The following ITGA3 variants were observed in gnomAD, a reference collection of about 807,000 sequenced individuals.
The protein encoded by ITGA3 is integrin alpha-3.
ITGA3 carries 70 observed loss-of-function variants against 131.1 expected under a neutral mutation model. The observed-to-expected ratio is 0.53, with a 90% CI of 0.44 to 0.65. The LOEUF (loss-of-function observed/expected upper bound fraction) is 0.65, where lower values mean the gene tolerates loss of function less well. Among genes scored for constraint, ITGA3 ranks in the 30% least tolerant of loss-of-function variants. The probability of loss-of-function intolerance (pLI) is 0.00; values close to 1 mark genes in which losing one functional copy is unlikely to be tolerated. For missense variants in ITGA3, 1,098 were observed against 1,388.6 expected (o/e 0.79, Z 3.33); for synonymous variants, 537 against 571.6 (o/e 0.94, Z 0.86).
At chr17:50,081,270 T>C (rs1410492487) in intron 22 of ITGA3, 40 bp from the exon 23 acceptor site, 3 of 1,285,374 alleles carry the variant, frequency 2.3e-6, no homozygotes, top group Non-Finnish European at 3.3e-6. Flanking sequence ...CTCAGAGAAG[T>C]GTCAAGTGTT....
chr17:50,088,148 C>G (rs1427420226), intron 24 of ITGA3, 77 bp from the exon 25 acceptor site: 64 of 1,493,906 alleles, frequency 4.3e-5, no homozygotes, highest in Non-Finnish European at 5.6e-5. Flanking sequence ...GCCCTAAAGC[C>G]CTGGTCCACG....
Position 50,064,633 on chromosome 17 carries a change from C to T in ITGA3, c.414+26C>T, listed in dbSNP as rs1190666521. 1.3e-6 allele frequency: 2 copies of T among 1,591,546 alleles called. No individual in the cohort carries two copies. Among genetic ancestry groups the T allele is most frequent in the African/African-American group, 2.7e-5 (2 of 74,672 alleles). Reference sequence around the variant, plus strand: ...GTAAGTGGGTGCTCAGTGTTGGCTCCTCCACCTCTACCCGGCTCTCCCCTC... The same window carrying T: ...GTAAGTGGGTGCTCAGTGTTGGCTCTTCCACCTCTACCCGGCTCTCCCCTC... On this transcript the variant is annotated intron_variant, in intron 3 of 25. Coordinates refer to ENST00000320031, the MANE Select transcript of ITGA3 (RefSeq NM_002204.4). The surrounding 1 kb of genome is among the most constrained non-coding windows in gnomAD (Gnocchi z 4.4).
At chr17:50,068,384 CT>C in intron 4 of ITGA3, 79 bp downstream of exon 4, 1 of 1,503,854 alleles carries the variant, frequency 6.6e-7, no homozygotes. Flanking sequence ...GACAGCTGGC[CT>C]AGACCATCCA....
At chr17:50,081,100 C>A (rs558996348) in intron 22 of ITGA3, 1 of 540,320 alleles carries the variant, frequency 1.9e-6, no homozygotes, top group Non-Finnish European at 3.3e-6. Context: ...TCCCCAGCAT[C>A]CAGCACAGGA....
chr17:50,078,351 A>G (rs1429414226), intron 18 of ITGA3, 67 bp downstream of exon 18: 3 of 1,352,872 alleles, frequency 2.2e-6, no homozygotes, highest in African/African-American at 1.4e-5. Flanking sequence ...CCTATCCCCA[A>G]GCTATCTCCC....
Position 50,074,267 on chromosome 17 carries a change from A to C in ITGA3, c.1369A>C (p.Ile457Leu), listed in dbSNP as rs770703080. Reference protein sequence around the residue: ...DLLVGSLSDHIVLLRARPVIN... With the variant: ...DLLVGSLSDHLVLLRARPVIN... ...TCTAGTGGGAAGCCTGTCAGACCAC[A>C]TTGTGCTGCTGCGGTGAGCCAGGAG... The change falls in exon 9 of 26, where the codon ATT becomes CTT. Residue 457 changes from isoleucine to leucine, a missense_variant. By Grantham distance (5) the Ile-to-Leu change is conservative. Around this residue, in one of 3 missense-constraint regions of ITGA3, gnomAD observed 699 missense variants for 829.2 expected, o/e 0.84. Coordinates refer to ENST00000320031, the MANE Select transcript of ITGA3 (RefSeq NM_002204.4). The C allele has an allele frequency of 2.5e-6, 4 of 1,614,148 alleles. No homozygotes were observed. The South Asian group carries it at 4.4e-5, about 18-fold the overall frequency.
At chr17:50,077,478 C>G in intron 16 of ITGA3, 31 bp downstream of exon 16, 1 of 1,551,188 alleles carries the variant, frequency 6.4e-7, no homozygotes, top group Non-Finnish European at 8.9e-7. Flanking sequence ...CCCAGTCCTC[C>G]TGGGTCCCTG....
At chr17:50,060,173 C>T (rs939047566) in intron 1 of ITGA3, among the ~76,000 whole-genome samples, 1 of 152,146 alleles carries the variant, frequency 6.6e-6, no homozygotes, top group Non-Finnish European at 1.5e-5. Context: ...TGCCTCCCGG[C>T]CGGGGATAGG....
chr17:50,077,217 G>C (rs535741049), intron 15 of ITGA3, 96 bp downstream of exon 15: 1 of 1,360,122 alleles, frequency 7.4e-7, no homozygotes, highest in Non-Finnish European at 1.0e-6. Context: ...CGTCTGCCAC[G>C]TGCCCACCTC....
At chr17:50,077,487 T>A (rs1209066096) in intron 16 of ITGA3, 40 bp downstream of exon 16, 1 of 1,479,934 alleles carries the variant, frequency 6.8e-7, no homozygotes, top group African/African-American at 1.4e-5. Context: ...CCTGGGTCCC[T>A]GGCTGCACCT....
rs748031990 is a variant in ITGA3, at chr17:50,064,045, G to A, written c.207-32G>A. On this transcript the variant is annotated intron_variant, in intron 1 of 25. Transcript: ENST00000320031. The surrounding 1 kb of genome is among the most constrained non-coding windows in gnomAD (Gnocchi z 4.4). ...GTTCCAAGTGGGGCTTGGGGAGTCTGAACCCGGACCCACCTCCGTCCCTAT... is the reference window on the plus strand; with the variant it reads ...GTTCCAAGTGGGGCTTGGGGAGTCTAAACCCGGACCCACCTCCGTCCCTAT... 2 of 1,609,292 alleles carry A rather than the reference G, an allele frequency of 1.2e-6. No individual in the cohort carries two copies. The highest frequency in any genetic ancestry group is 1.7e-6 in the Non-Finnish European group (2 of 1,178,276).
rs1323538199 is a variant in ITGA3 at position 50,070,939 on chromosome 17, AG to A, written c.751+10del. On this transcript the variant is annotated intron_variant, in intron 5 of 25. Transcript: ENST00000320031. ...AGGAAACCTCTATATTGGTGAGTACAGTAGTGGTAGCCCATCAAGTGGTAGA... is the reference window on the plus strand; with the variant it reads ...AGGAAACCTCTATATTGGTGAGTACATAGTGGTAGCCCATCAAGTGGTAGA... 1.3e-6 allele frequency: 2 copies of A among 1,531,196 alleles called. No individual in the cohort carries two copies. Among genetic ancestry groups the A allele is most frequent in the South Asian group, 1.1e-5 (1 of 89,398 alleles). 94.9% of individuals were successfully genotyped at this position (1,531,196 alleles called of 1,614,324 possible).
chr17:50,090,175 C>T lies in ITGA3; in HGVS notation c.*1097C>T, dbSNP rs763401787. The T allele has an allele frequency of 1.3e-5, 6 of 449,786 alleles. No individual in the cohort carries two copies. Among genetic ancestry groups the T allele is most frequent in the South Asian group, 7.8e-5 (5 of 64,284 alleles). 27.9% of individuals were successfully genotyped at this position (449,786 alleles called of 1,614,324 possible). A position where few individuals can be genotyped will look rare whatever the true frequency, so the allele number is the denominator to read the frequency against. On this transcript the variant is annotated 3_prime_UTR_variant, in exon 26 of 26. Transcript: ENST00000320031. ...AATGTAGAATAGGCAGGGGGCCCTG[C>T]CCCACCCCATCCAGCCAGACCCCAC...
intron 3 of ITGA3, among the ~76,000 whole-genome samples, chr17:50,067,071 G>T (rs1411699331): frequency 1.3e-5 from 2 of 152,134 alleles, no homozygotes; most frequent in Non-Finnish European, 2.9e-5. Flanking sequence ...AAGTGATTCT[G>T]CACCCTGGAT....
In ITGA3 at chr17:50,064,557, ATGTGGCTTGGAGTGAC is replaced by A. The variant is rs1908241386; in HGVS notation, c.371_386del (p.Leu124ProfsTer41). On this transcript the variant is annotated frameshift_variant, in exon 3 of 26. Transcript: ENST00000320031. LOFTEE classifies it high-confidence loss of function. This position sits in a 1 kb window ranked among gnomAD's most constrained non-coding sequence, Gnocchi z 4.4. Reference sequence around the variant, plus strand: ...CCCTGGCCATCACATTATTGAGGACATGTGGCTTGGAGTGACTGTGGCCAGCCAGGGCCCTGCAGGC... The same window carrying A: ...CCCTGGCCATCACATTATTGAGGACATGTGGCCAGCCAGGGCCCTGCAGGC... The A allele has an allele frequency of 6.2e-7, 1 of 1,613,190 alleles. No individual in the cohort carries two copies. The highest frequency in any genetic ancestry group is 1.7e-5 in the Admixed American group (1 of 59,938).
At chr17:50,069,296 C>T (rs1194045313) in intron 4 of ITGA3, among the ~76,000 whole-genome samples, 2 of 152,178 alleles carry the variant, frequency 1.3e-5, no homozygotes, top group Non-Finnish European at 2.9e-5. Flanking sequence ...TTCAGTTTAA[C>T]CATTTACAAA....
chr17:50,063,904 T>G, intron 1 of ITGA3, 173 bp from the exon 2 acceptor site: 1 of 842,880 alleles, frequency 1.2e-6, no homozygotes, highest in Non-Finnish European at 1.8e-6. Context: ...GGCACTTCCT[T>G]CTAGTGTCTT....
chr17:50,072,304 G>A, intron 7 of ITGA3, 122 bp downstream of exon 7: 1 of 878,934 alleles, frequency 1.1e-6, no homozygotes, highest in Non-Finnish European at 1.8e-6. Context: ...ACAGGATGGG[G>A]CCGGACCTGG....
In ITGA3 at chr17:50,079,542, G is replaced by A; in HGVS notation, c.2691G>A (p.Lys897=). The change falls in exon 21 of 26, where the codon AAG becomes AAA. Residue 897 remains lysine (K), a synonymous_variant. Transcript: ENST00000320031. ...CTCTGGCTGCTGCCAAAAAAGCCAA[G>A]TCTGAGACTGTGCTGGTGAGTGGCC... ...PVTLAAAKKA[K]SETVLTCATG... 6.5e-7 allele frequency: 1 copy of A among 1,549,282 alleles called. No homozygotes were observed. The highest frequency in any genetic ancestry group is 1.2e-5 in the South Asian group (1 of 80,976).
Sources: allele counts gnomAD v4.1 joint callset (sites outside exome capture counted in the v4.1 genomes callset), GRCh38; gene constraint gnomAD v4.1.1; regional missense constraint gnomAD v4.1.1; non-coding constraint Gnocchi (gnomAD v3.1); transcripts MANE v1.5; gene names NCBI Gene and HGNC (gene_info 2026-07-23, HGNC 2026-07-21).